Variants in CNGA1 observed in about 807,000 individuals in gnomAD.
CNGA1 encodes the protein cyclic nucleotide gated channel subunit alpha 1, also known as cyclic nucleotide-gated channel alpha-1.
Under a neutral mutation model 69.7 loss-of-function variants are expected in CNGA1, and 53 were observed. The ratio of observed to expected loss-of-function variants is 0.76; its 90% confidence interval spans 0.61 to 0.96. CNGA1 has a LOEUF of 0.96. Ranked by LOEUF, CNGA1 falls within the 40% of genes least tolerant of loss-of-function variation. The pLI is 0.00. For missense variants in CNGA1, 739 were observed against 811.2 expected, an observed-to-expected ratio of 0.91 and a Z score of 1.08; for synonymous variants, 249 against 283.5, an observed-to-expected ratio of 0.88 and a Z score of 1.22.
chr4:47,971,168 TTGTGTG>T (rs34771990), intron 3 of CNGA1: 7,658 of 383,872 alleles, frequency 0.02, 381 homozygotes, highest in African/African-American at 0.13. Context: ...ATATCTATAT[TTGTGTG>T]TGTGTGTGTG....
intron 5 of CNGA1, 24 bp downstream of exon 5, chr4:47,951,329 C>A: frequency 6.9e-7 from 1 of 1,453,336 alleles, no homozygotes; most frequent in South Asian, 1.1e-5. Flanking sequence ...AAACAAGCAC[C>A]AAGGGATGGA....
intron 3 of CNGA1, chr4:47,958,951 G>A (rs962373480): frequency 1.3e-5 from 2 of 152,056 alleles, no homozygotes; most frequent in African/African-American, 2.4e-5. Context: ...TAAAGTTAAA[G>A]CTACAAATAA....
intron 3 of CNGA1, among the ~76,000 whole-genome samples, chr4:47,966,384 C>A (rs982950654): frequency 3.9e-5 from 6 of 152,144 alleles, no homozygotes; most frequent in Non-Finnish European, 8.8e-5. Context: ...CACACACAAA[C>A]CCACACATAA....
At chr4:47,997,242 T>C (rs1309179428) in intron 2 of CNGA1, among the ~76,000 whole-genome samples, 1 of 152,132 alleles carries the variant, frequency 6.6e-6, no homozygotes, top group Non-Finnish European at 1.5e-5. Flanking sequence ...GATATAAGCC[T>C]CCTAACTTTT....
intron 1 of CNGA1, 36 bp downstream of exon 1, chr4:48,016,447 A>T: frequency 4.3e-6 from 1 of 234,820 alleles, no homozygotes; most frequent in Non-Finnish European, 8.2e-6. Context: ...AGGGGGCCTC[A>T]GTGCAGCCTC....
At chr4:47,984,658 A>G (rs890003169) in intron 2 of CNGA1, among the ~76,000 whole-genome samples, 1 of 85,108 alleles carries the variant, frequency 1.2e-5, no homozygotes, top group Non-Finnish European at 2.6e-5. Context: ...ATATATATAT[A>G]TATATACACA....
chr4:47,954,482 G>C (rs1467542222), intron 3 of CNGA1, among the ~76,000 whole-genome samples: 1 of 152,186 alleles, frequency 6.6e-6, no homozygotes, highest in East Asian at 1.9e-4. Context: ...AGCAGCGGCG[G>C]GGGAGGGGAC....
intron 4 of CNGA1, among the ~76,000 whole-genome samples, chr4:47,952,031 G>A (rs1197908991): frequency 6.6e-6 from 1 of 152,186 alleles, no homozygotes; most frequent in African/African-American, 2.4e-5. Context: ...TTTGGCATAG[G>A]TGCTTAATAG....
At chr4:47,962,996 C>T (rs546839541) in intron 3 of CNGA1, among the ~76,000 whole-genome samples, 1 of 151,858 alleles carries the variant, frequency 6.6e-6, no homozygotes, top group South Asian at 2.1e-4. Context: ...CTTACCCTGT[C>T]ACCCAGGCTG....
chr4:47,957,973 C>T (rs913054122), intron 3 of CNGA1, among the ~76,000 whole-genome samples: 9 of 149,366 alleles, frequency 6.0e-5, no homozygotes, highest in African/African-American at 2.2e-4. Flanking sequence ...CAGCTCACTG[C>T]AACCTCCACC....
chr4:48,007,435 G>A (rs190073432), intron 2 of CNGA1, among the ~76,000 whole-genome samples: 235 of 152,232 alleles, frequency 1.5e-3, no homozygotes, highest in African/African-American at 5.3e-3. Context: ...AATTTGAGGC[G>A]TTGAATGGCT....
At chr4:47,965,720 C>A (rs1230999319) in intron 3 of CNGA1, among the ~76,000 whole-genome samples, 1 of 152,156 alleles carries the variant, frequency 6.6e-6, no homozygotes, top group Non-Finnish European at 1.5e-5. Flanking sequence ...AGCCACCATG[C>A]CTGGCCCTGA....
At chr4:47,996,831 G>A (rs1291147977) in intron 2 of CNGA1, among the ~76,000 whole-genome samples, 1 of 152,104 alleles carries the variant, frequency 6.6e-6, no homozygotes, top group African/African-American at 2.4e-5. Context: ...AGGCCGAGGT[G>A]AGTGGATCAC....
At chr4:47,939,674 T>C (rs984381931) in intron 10 of CNGA1, among the ~76,000 whole-genome samples, 1 of 152,174 alleles carries the variant, frequency 6.6e-6, no homozygotes, top group African/African-American at 2.4e-5. Context: ...CCAAATTCAG[T>C]TAAATTTTAA....
intron 5 of CNGA1, among the ~76,000 whole-genome samples, chr4:47,950,308 C>T (rs1247070695): frequency 6.6e-6 from 1 of 152,170 alleles, no homozygotes; most frequent in African/African-American, 2.4e-5. Flanking sequence ...GGGCAGTTCC[C>T]CTGCACATGC....
At chr4:48,012,914 C>T (rs539675042) in intron 1 of CNGA1, 1 of 152,006 alleles carries the variant, frequency 6.6e-6, no homozygotes, top group South Asian at 2.1e-4. Context: ...TGGCTATAGA[C>T]TGCTCTCTAC....
At position 47,985,746 on chromosome 4, in the gene CNGA1, G is replaced by A. The variant is rs774418422; in HGVS notation, c.-122-4246C>T. On this transcript the variant is annotated intron_variant, in intron 2 of 10. Transcript: ENST00000514170. ...CTTTACTAGCTCTCACACTTCCTTC[G>A]TCTATCTTCCCCCACCCCCCCAAAA... Among the ~76,000 whole-genome samples the A allele has an allele frequency of 8.7e-5, 13 of 149,630 alleles. No homozygotes were observed. The South Asian group carries it at 1.3e-3, about 15-fold the overall frequency.
rs1177114201 is a variant in CNGA1, at chr4:47,940,801, A to G, written c.614T>C (p.Ile205Thr). The G allele has an allele frequency of 8.7e-6, 14 of 1,610,892 alleles. No homozygotes were observed. Among genetic ancestry groups the G allele is most frequent in the East Asian group, 2.2e-5 (1 of 44,826 alleles). The change falls in exon 10 of 11, where the codon ATA (isoleucine) becomes ACA (threonine). Residue 205 changes from isoleucine to threonine, a missense_variant. Transcript: ENST00000514170. ...YWLILDYVSD[I>T]VYLIDMFVRT... Reference sequence around the variant, plus strand: ...TACAAACATATCGATTAAATAGACTATGTCTGATACGTAATCCAAAATGAG... The same window carrying G: ...TACAAACATATCGATTAAATAGACTGTGTCTGATACGTAATCCAAAATGAG...
chr4:47,979,282 G>A (rs953669580), intron 3 of CNGA1, among the ~76,000 whole-genome samples: 2 of 140,534 alleles, frequency 1.4e-5, no homozygotes, highest in African/African-American at 2.7e-5. Flanking sequence ...GATCGCACCA[G>A]TGCACTTCAG....
Sources: gnomAD v4.1 joint callset for allele counts (sites outside exome capture counted in the v4.1 genomes callset) on GRCh38, gnomAD v4.1.1 for gene constraint, MANE v1.5 for transcripts, NCBI Gene and HGNC (gene_info 2026-07-23, HGNC 2026-07-21) for gene names.